Variants in TBR1 observed in about 807,000 individuals in gnomAD.
TBR1 encodes T-box brain transcription factor 1.
Under a neutral mutation model 60.3 loss-of-function variants are expected in TBR1, and 7 were observed. The observed-to-expected ratio is 0.12, with a 90% CI of 0.07 to 0.22. The LOEUF is 0.22. Among genes scored for constraint, TBR1 ranks in the 10% least tolerant of loss-of-function variants. TBR1 has a pLI of 1.00. For synonymous variants in TBR1, 417 were observed against 409.9 expected (o/e 1.02, Z -0.21); for missense variants, 616 against 936.8 (o/e 0.66, Z 4.47).
Position 161,425,144 on chromosome 2 carries a change from A to AC in TBR1, c.*919dup, listed in dbSNP as rs1460327670. 1 of 152,182 alleles carries AC rather than the reference A, an allele frequency of 6.6e-6. No homozygotes were observed. The highest frequency in any genetic ancestry group is 1.5e-5 in the Non-Finnish European group (1 of 68,044). The allele number at this position is 152,182 out of a possible 1,614,324, so 9.4% of individuals were successfully genotyped here. A position where few individuals can be genotyped will look rare whatever the true frequency, so the allele number is the denominator to read the frequency against. ...TCAACTGGAGTTGTATGTTCCCCCC[A>AC]CCTTCTAAATAGAATAGCTCGACAT... On this transcript the variant is annotated 3_prime_UTR_variant, in exon 6 of 6. Coordinates refer to ENST00000389554, the MANE Select transcript of TBR1 (RefSeq NM_006593.4).
chr2:161,420,988 C>T (rs1297461493), intron 5 of TBR1: 1 of 152,250 alleles, frequency 6.6e-6, no homozygotes, highest in Non-Finnish European at 1.5e-5. Flanking sequence ...TTAGGCCTCC[C>T]TTACCTCCCT....
Position 161,418,217 on chromosome 2 carries a change from G to T in TBR1, c.864G>T (p.Met288Ile). ...TTTCTCTAGGAAATCGGGTCTATATGCATCCGGATTCCCCCAACACTGGGG... is the reference window on the plus strand; with the variant it reads ...TTTCTCTAGGAAATCGGGTCTATATTCATCCGGATTCCCCCAACACTGGGG... ...DTNVQGNRVY[M>I]HPDSPNTGAH... is the part of the protein sequence containing the mutation. The change falls in exon 3 of 6, where the codon ATG (methionine) becomes ATT (isoleucine). Residue 288 changes from methionine (M) to isoleucine (I), a missense_variant. Met to Ile is a conservative substitution (Grantham distance 10, BLOSUM62 1). Around this residue, in one of 8 missense-constraint regions of TBR1, gnomAD observed 85 missense variants for 164.9 expected, o/e 0.52. Transcript: ENST00000389554. 6.2e-7 allele frequency: 1 copy of T among 1,613,444 alleles called. No individual in the cohort carries two copies. The highest frequency in any genetic ancestry group is 8.5e-7 in the Non-Finnish European group (1 of 1,179,806).
rs1217909034 is a variant in TBR1 at position 161,424,069 on chromosome 2, A to G, written c.1891A>G (p.Ile631Val). The G allele has an allele frequency of 6.2e-7, 1 of 1,610,464 alleles. No homozygotes were observed. The highest frequency in any genetic ancestry group is 8.5e-7 in the Non-Finnish European group (1 of 1,178,882). Reference protein sequence around the residue: ...IKSIDSSDSGIYEQAKRRRIS... With the variant: ...IKSIDSSDSGVYEQAKRRRIS... ...GTCCATCGACTCCAGCGACTCGGGG[A>G]TTTACGAGCAGGCCAAGCGGAGGCG... Residue 631 changes from isoleucine (I) to valine (V), a missense_variant, in exon 6 of 6, where the codon ATT becomes GTT. Ile to Val is a conservative substitution (Grantham distance 29). Coordinates refer to ENST00000389554, the MANE Select transcript of TBR1 (RefSeq NM_006593.4). This position sits in a 1 kb window ranked among gnomAD's most constrained non-coding sequence, Gnocchi z 4.4.
chr2:161,416,349 T>G lies in TBR1; in HGVS notation c.-62T>G. ...AGTGAGGGGGTCTGTGGATTTCTAG[T>G]TTATGATAAATAGGACTTTAAAAAC... is the stretch of plus-strand genomic sequence containing the variant. On this transcript the variant is annotated 5_prime_UTR_variant, in exon 1 of 6. Transcript: ENST00000389554. The surrounding 1 kb of genome is among the most constrained non-coding windows in gnomAD (Gnocchi z 6.1). 7.4e-7 allele frequency: 1 copy of G among 1,349,598 alleles called. No homozygotes were observed. Among genetic ancestry groups the G allele is most frequent in the Non-Finnish European group, 1.0e-6 (1 of 984,994 alleles). 83.6% of individuals were successfully genotyped at this position (1,349,598 alleles called of 1,614,324 possible).
Position 161,417,301 on chromosome 2 carries a change from A to G in TBR1, c.692+199A>G. ...TGGTGGGGGGGACCCCGTTCTAGGA[A>G]CATAGTGGGAGAGCCAGTCAGTGGC... On this transcript the variant is annotated intron_variant, in intron 1 of 5. Coordinates refer to ENST00000389554, the MANE Select transcript of TBR1 (RefSeq NM_006593.4). The surrounding 1 kb of genome is among the most constrained non-coding windows in gnomAD (Gnocchi z 5.3). The G allele has an allele frequency of 4.9e-6, 3 of 617,812 alleles. No homozygotes were observed. Among genetic ancestry groups the G allele is most frequent in the Admixed American group, 3.2e-5 (1 of 30,788 alleles). 38.3% of individuals were successfully genotyped at this position (617,812 alleles called of 1,614,324 possible).
In TBR1 at chr2:161,424,233, C is replaced by T. The variant is rs1209772912; in HGVS notation, c.*6C>T. 6.5e-7 allele frequency: 1 copy of T among 1,548,986 alleles called. No homozygotes were observed. The highest frequency in any genetic ancestry group is 1.2e-5 in the South Asian group (1 of 84,076). The stretch of plus-strand genomic sequence containing the variant: ...GCTTCTACTCGCACAGCTAGGCCGC[C>T]CCTGCCCGCCCGGCCCCGCCGCGGC... On this transcript the variant is annotated 3_prime_UTR_variant, in exon 6 of 6. Coordinates refer to ENST00000389554, the MANE Select transcript of TBR1 (RefSeq NM_006593.4). The surrounding 1 kb of genome is among the most constrained non-coding windows in gnomAD (Gnocchi z 4.4).
At position 161,424,323 on chromosome 2, in the gene TBR1, C is replaced by T; in HGVS notation, c.*96C>T. The T allele has an allele frequency of 7.5e-7, 1 of 1,325,354 alleles. No individual in the cohort carries two copies. Among genetic ancestry groups the T allele is most frequent in the South Asian group, 1.5e-5 (1 of 67,372 alleles). The allele number at this position is 1,325,354 out of a possible 1,614,324, so 82.1% of individuals were successfully genotyped here. On this transcript the variant is annotated 3_prime_UTR_variant, in exon 6 of 6. Transcript: ENST00000389554. The surrounding 1 kb of genome is among the most constrained non-coding windows in gnomAD (Gnocchi z 4.4). ...CCGCCTCCCCACACTCCTCCTTGCG[C>T]ACCCACTCATTTTATTTGACCCTCG... is the stretch of plus-strand genomic sequence containing the variant.
chr2:161,423,811 TG>T lies in TBR1; in HGVS notation c.1637del (p.Gly546AlafsTer176). 6.8e-7 allele frequency: 1 copy of T among 1,477,006 alleles called. No individual in the cohort carries two copies. Among genetic ancestry groups the T allele is most frequent in the Admixed American group, 2.3e-5 (1 of 44,076 alleles). 91.5% of individuals were successfully genotyped at this position (1,477,006 alleles called of 1,614,324 possible). ...PLGYYADPSG[W>X]GARSPPQYCG... ...CGGCTACTACGCCGACCCGTCGGGC[TG>T]GGGCGCCCGCAGTCCCCCGCAGTAC... On this transcript the variant is annotated frameshift_variant, in exon 6 of 6. Coordinates refer to ENST00000389554, the MANE Select transcript of TBR1 (RefSeq NM_006593.4). LOFTEE classifies it high-confidence loss of function.
chr2:161,417,988 G>A lies in TBR1; in HGVS notation c.847+158G>A. On this transcript the variant is annotated intron_variant, in intron 2 of 5. Transcript: ENST00000389554. This position sits in a 1 kb window ranked among gnomAD's most constrained non-coding sequence, Gnocchi z 5.3. The stretch of plus-strand genomic sequence containing the variant: ...AGGGGGACAGACTGAGCTGCGAGAA[G>A]GGGGAGGATTATGCAAAAGCTATTT... The A allele has an allele frequency of 6.9e-7, 1 of 1,452,130 alleles. No homozygotes were observed. The highest frequency in any genetic ancestry group is 9.1e-7 in the Non-Finnish European group (1 of 1,102,828). 90.0% of individuals were successfully genotyped at this position (1,452,130 alleles called of 1,614,324 possible).
In TBR1 at chr2:161,417,493, C is replaced by T. The variant is rs541864754; in HGVS notation, c.693-183C>T. 4.5e-5 allele frequency: 36 copies of T among 791,408 alleles called. 1 individual carries two copies. The South Asian group carries it at 6.9e-4, about 15-fold the overall frequency. The allele number at this position is 791,408 out of a possible 1,614,324, so 49.0% of individuals were successfully genotyped here. On this transcript the variant is annotated intron_variant, in intron 1 of 5. Transcript: ENST00000389554. This position sits in a 1 kb window ranked among gnomAD's most constrained non-coding sequence, Gnocchi z 5.3. ...CCACTCCAGCTCACCCGCCGCTCTC[C>T]CTGATTTGGGTTGCACTTCTTTTCT...
chr2:161,423,454 G>C lies in TBR1; in HGVS notation c.1276G>C (p.Ala426Pro), dbSNP rs1574152292. 1 of 1,606,096 alleles carries C rather than the reference G, an allele frequency of 6.2e-7. No individual in the cohort carries two copies. Among genetic ancestry groups the C allele is most frequent in the African/African-American group, 1.3e-5 (1 of 74,452 alleles). The change falls in exon 6 of 6, where the codon GCC becomes CCC. Residue 426 changes from alanine (A) to proline (P), a missense_variant. This residue lies in a region of TBR1 where 80 missense variants were observed against 75.3 expected (regional missense o/e 1.06). Coordinates refer to ENST00000389554, the MANE Select transcript of TBR1 (RefSeq NM_006593.4). ...GCAGATCGTGCCCGGGGCCCGCTAC[G>C]CCATGGCCGGCTCTTTCCTGCAGGA... ...RSQIVPGARY[A>P]MAGSFLQDQF...
rs1279803302 is a variant in TBR1 at position 161,423,922 on chromosome 2, C to T, written c.1744C>T (p.Leu582=). Residue 582 remains leucine, a synonymous_variant, in exon 6 of 6, where the codon CTG becomes TTG. Transcript: ENST00000389554. The stretch of plus-strand genomic sequence containing the variant: ...GCGCATGGCCGGCGCCAATCCCTAC[C>T]TGGGCGAGGAGGCCGAGGGCCTGGC... ...AARMAGANPY[L]GEEAEGLAAE... 2 of 1,529,050 alleles carry T rather than the reference C, an allele frequency of 1.3e-6. No homozygotes were observed. Among genetic ancestry groups the T allele is most frequent in the South Asian group, 1.2e-5 (1 of 81,110 alleles). 94.7% of individuals were successfully genotyped at this position (1,529,050 alleles called of 1,614,324 possible). A position where few individuals can be genotyped will look rare whatever the true frequency, so the allele number is the denominator to read the frequency against.
rs1684308676 is a variant in TBR1 at position 161,425,819 on chromosome 2, C to T, written c.*1592C>T. ...ATTGAGAAACGTTTTGTTTTTTGCT[C>T]GTTTGTATCGTCTGTGTATAACAAG... On this transcript the variant is annotated 3_prime_UTR_variant, in exon 6 of 6. Coordinates refer to ENST00000389554, the MANE Select transcript of TBR1 (RefSeq NM_006593.4). 1 of 152,006 alleles carries T rather than the reference C, an allele frequency of 6.6e-6. No homozygotes were observed. The highest frequency in any genetic ancestry group is 2.4e-5 in the African/African-American group (1 of 41,380). The allele number at this position is 152,006 out of a possible 1,614,324, so 9.4% of individuals were successfully genotyped here.
chr2:161,417,893 C>T lies in TBR1; in HGVS notation c.847+63C>T, dbSNP rs1336375944. The T allele has an allele frequency of 6.4e-7, 1 of 1,569,778 alleles. No homozygotes were observed. The highest frequency in any genetic ancestry group is 1.4e-5 in the African/African-American group (1 of 73,140). On this transcript the variant is annotated intron_variant, in intron 2 of 5. Coordinates refer to ENST00000389554, the MANE Select transcript of TBR1 (RefSeq NM_006593.4). The surrounding 1 kb of genome is among the most constrained non-coding windows in gnomAD (Gnocchi z 5.3). ...TTTAGGTGAGAATGATTAATTAAAG[C>T]CTTTGTGGACTGGCTCGAGCGACTT...
rs1684143286 is a variant in TBR1, at chr2:161,417,531, C to A, written c.693-145C>A. On this transcript the variant is annotated intron_variant, in intron 1 of 5. Transcript: ENST00000389554. The surrounding 1 kb of genome is among the most constrained non-coding windows in gnomAD (Gnocchi z 5.3). ...GCACTTCTTTTCTTCTCCCACCACC[C>A]TTTTTCTAATCCAGCAAATATTCGC... The A allele has an allele frequency of 9.0e-7, 1 of 1,109,206 alleles. No homozygotes were observed. Among genetic ancestry groups the A allele is most frequent in the East Asian group, 2.4e-5 (1 of 41,370 alleles). 68.7% of individuals were successfully genotyped at this position (1,109,206 alleles called of 1,614,324 possible).
At position 161,417,303 on chromosome 2, in the gene TBR1, A is replaced by T; in HGVS notation, c.692+201A>T. On this transcript the variant is annotated intron_variant, in intron 1 of 5. Coordinates refer to ENST00000389554, the MANE Select transcript of TBR1 (RefSeq NM_006593.4). The surrounding 1 kb of genome is among the most constrained non-coding windows in gnomAD (Gnocchi z 5.3). Reference sequence around the variant, plus strand: ...GTGGGGGGGACCCCGTTCTAGGAACATAGTGGGAGAGCCAGTCAGTGGCCA... The same window carrying T: ...GTGGGGGGGACCCCGTTCTAGGAACTTAGTGGGAGAGCCAGTCAGTGGCCA... 1.6e-6 allele frequency: 1 copy of T among 617,712 alleles called. No individual in the cohort carries two copies. The highest frequency in any genetic ancestry group is 2.8e-6 in the Non-Finnish European group (1 of 362,838). 38.3% of individuals were successfully genotyped at this position (617,712 alleles called of 1,614,324 possible). A position where few individuals can be genotyped will look rare whatever the true frequency, so the allele number is the denominator to read the frequency against.
intron 3 of TBR1, 110 bp from the exon 4 acceptor site, chr2:161,418,782 G>C: frequency 7.0e-7 from 1 of 1,418,534 alleles, no homozygotes; most frequent in Non-Finnish European, 9.4e-7. Context: ...TGGAAGGCGG[G>C]CTGCAGGCTG....
chr2:161,417,901 G>A lies in TBR1; in HGVS notation c.847+71G>A. 6.5e-7 allele frequency: 1 copy of A among 1,549,488 alleles called. No individual in the cohort carries two copies. The highest frequency in any genetic ancestry group is 8.7e-7 in the Non-Finnish European group (1 of 1,146,282). ...AGAATGATTAATTAAAGCCTTTGTGGACTGGCTCGAGCGACTTTTAAAACG... is the reference window on the plus strand; with the variant it reads ...AGAATGATTAATTAAAGCCTTTGTGAACTGGCTCGAGCGACTTTTAAAACG... On this transcript the variant is annotated intron_variant, in intron 2 of 5. Transcript: ENST00000389554. This position sits in a 1 kb window ranked among gnomAD's most constrained non-coding sequence, Gnocchi z 5.3.
intron 5 of TBR1, chr2:161,420,605 C>T (rs774396585): frequency 2.5e-4 from 47 of 188,602 alleles, no homozygotes; most frequent in Non-Finnish European, 4.7e-4. Flanking sequence ...TTCTCGGGTG[C>T]GAGTACTGTA....
Sources: allele counts gnomAD v4.1 joint callset, GRCh38; gene constraint gnomAD v4.1.1; regional missense constraint gnomAD v4.1.1; non-coding constraint Gnocchi (gnomAD v3.1); transcripts MANE v1.5; gene names NCBI Gene and HGNC (gene_info 2026-07-23, HGNC 2026-07-21).